GRIN2A: variants seen among roughly 807,000 people sequenced by gnomAD.
The protein encoded by GRIN2A is glutamate receptor ionotropic, NMDA 2A.
GRIN2A carries 22 observed loss-of-function variants against 113.4 expected under a neutral mutation model. That is an observed-to-expected ratio of 0.19 (90% CI 0.14 to 0.28). The LOEUF (loss-of-function observed/expected upper bound fraction) is 0.28. Ranked by LOEUF, GRIN2A falls within the 10% of genes least tolerant of loss-of-function variation. The pLI, the probability that GRIN2A is intolerant of heterozygous loss-of-function variation, is 1.00. For missense variants in GRIN2A, 1,502 were observed against 1,887.0 expected, an observed-to-expected ratio of 0.80 and a Z score of 3.78; for synonymous variants, 827 against 738.4, an observed-to-expected ratio of 1.12 and a Z score of -1.94.
At chr16:9,964,924 C>A (rs200006661) in intron 2 of GRIN2A, among the ~76,000 whole-genome samples, 2 of 152,264 alleles carry the variant, frequency 1.3e-5, no homozygotes, top group African/African-American at 2.4e-5. Flanking sequence ...TTTAGCACAA[C>A]GTCTGGCTTA....
At chr16:10,060,549 G>C (rs985961484) in intron 2 of GRIN2A, among the ~76,000 whole-genome samples, 1 of 152,184 alleles carries the variant, frequency 6.6e-6, no homozygotes, top group Non-Finnish European at 1.5e-5. Flanking sequence ...ATTATCTGCT[G>C]TTCATTAAAT....
At chr16:9,837,959 C>G (rs2141334637) in intron 7 of GRIN2A, among the ~76,000 whole-genome samples, 1 of 152,218 alleles carries the variant, frequency 6.6e-6, no homozygotes, top group South Asian at 2.1e-4. Context: ...AATGGATTAT[C>G]AAAAATGAAA....
chr16:10,117,121 T>C (rs1027562877), intron 2 of GRIN2A, among the ~76,000 whole-genome samples: 2 of 151,862 alleles, frequency 1.3e-5, no homozygotes, highest in African/African-American at 4.8e-5. Context: ...GGACCCAAAA[T>C]CTGTCATCTG....
intron 2 of GRIN2A, among the ~76,000 whole-genome samples, chr16:10,096,941 C>G (rs2048305752): frequency 6.6e-6 from 1 of 152,128 alleles, no homozygotes; most frequent in Non-Finnish European, 1.5e-5. Flanking sequence ...ATCCCTTTCC[C>G]AGGTGTGAGG....
intron 12 of GRIN2A, among the ~76,000 whole-genome samples, chr16:9,765,400 T>C (rs910471776): frequency 6.6e-5 from 10 of 152,348 alleles, no homozygotes; most frequent in African/African-American, 2.4e-4. Context: ...GGATCATCCA[T>C]TGTTAATTCT....
At chr16:9,784,290 C>T (rs991445984) in intron 11 of GRIN2A, among the ~76,000 whole-genome samples, 6 of 151,746 alleles carry the variant, frequency 4.0e-5, no homozygotes, top group Admixed American at 1.3e-4. Context: ...ATTAGCCAGG[C>T]GTGGTGGTGG....
intron 11 of GRIN2A, among the ~76,000 whole-genome samples, chr16:9,782,918 T>G (rs1302422955): frequency 6.6e-6 from 1 of 152,244 alleles, no homozygotes; most frequent in Non-Finnish European, 1.5e-5. Flanking sequence ...TATGGTATCA[T>G]CTGGTCACAG....
intron 2 of GRIN2A, among the ~76,000 whole-genome samples, chr16:10,040,031 T>C (rs116915881): frequency 0.11 from 134 of 1,178 alleles, 2 homozygotes; most frequent in Admixed American, 0.14. Flanking sequence ...CACACAAATA[T>C]ACTACACACA....
At chr16:9,977,791 TG>T (rs2045806142) in intron 2 of GRIN2A, among the ~76,000 whole-genome samples, 1 of 152,170 alleles carries the variant, frequency 6.6e-6, no homozygotes, top group South Asian at 2.1e-4. Context: ...GGCTTTTCCT[TG>T]GGGAGTAGAC....
At chr16:10,043,704 G>C (rs1596456958) in intron 2 of GRIN2A, among the ~76,000 whole-genome samples, 1 of 151,896 alleles carries the variant, frequency 6.6e-6, no homozygotes, top group African/African-American at 2.4e-5. Context: ...TTTTCAAATT[G>C]TTTCAAGCAT....
intron 9 of GRIN2A, 128 bp from the exon 10 acceptor site, chr16:9,822,552 G>A (rs1036361892): frequency 7.0e-6 from 5 of 718,400 alleles, no homozygotes; most frequent in African/African-American, 1.8e-5. Flanking sequence ...CATGCATTAG[G>A]GCAGGATGAC....
chr16:10,074,629 G>T (rs78842582), intron 2 of GRIN2A, among the ~76,000 whole-genome samples: 4 of 152,126 alleles, frequency 2.6e-5, no homozygotes, highest in Non-Finnish European at 4.4e-5. Flanking sequence ...GAAACCAGAC[G>T]CAAAAGGCCA....
chr16:10,092,179 C>T (rs2048195337), intron 2 of GRIN2A, among the ~76,000 whole-genome samples: 2 of 152,268 alleles, frequency 1.3e-5, no homozygotes, highest in East Asian at 1.9e-4. Flanking sequence ...TGGTTCTAGC[C>T]TCATTCTCTA....
intron 7 of GRIN2A, among the ~76,000 whole-genome samples, chr16:9,840,216 A>G (rs2042649063): frequency 6.6e-6 from 1 of 152,144 alleles, no homozygotes; most frequent in Non-Finnish European, 1.5e-5. Context: ...GAAACTTACA[A>G]TCATGGCAGA....
intron 2 of GRIN2A, among the ~76,000 whole-genome samples, chr16:10,017,187 T>A (rs2046625594): frequency 6.6e-6 from 1 of 152,146 alleles, no homozygotes; most frequent in Middle Eastern, 3.2e-3. Flanking sequence ...CATAGGAACA[T>A]AGAGACACTG....
intron 12 of GRIN2A, among the ~76,000 whole-genome samples, chr16:9,768,238 A>AG (rs200993589): frequency 0.034 from 5,186 of 150,960 alleles, 116 homozygotes; most frequent in Middle Eastern, 0.1. Context: ...TTAGTAGAGA[A>AG]GGGGGGGGTC....
chr16:9,906,407 T>C (rs2044028665), intron 3 of GRIN2A, among the ~76,000 whole-genome samples: 1 of 152,216 alleles, frequency 6.6e-6, no homozygotes. Flanking sequence ...AATGCAGTCA[T>C]AGCTGTTGTT....
intron 7 of GRIN2A, among the ~76,000 whole-genome samples, chr16:9,837,436 G>A (rs1396971197): frequency 6.6e-6 from 1 of 152,098 alleles, no homozygotes. Context: ...AGAGAAACTG[G>A]GTTGAGGCCA....
intron 2 of GRIN2A, among the ~76,000 whole-genome samples, chr16:9,950,063 T>C (rs1010268677): frequency 2.6e-5 from 4 of 152,178 alleles, no homozygotes; most frequent in African/African-American, 9.7e-5. Flanking sequence ...CATTCTTCAC[T>C]GTCTGAACCC....
Sources: gnomAD v4.1 joint callset for allele counts (sites outside exome capture counted in the v4.1 genomes callset) on GRCh38, gnomAD v4.1.1 for gene constraint, MANE v1.5 for transcripts, NCBI Gene and HGNC (gene_info 2026-07-23, HGNC 2026-07-21) for gene names.